The following CALD1 variants were observed in gnomAD, a reference collection of about 807,000 sequenced individuals.
CALD1 encodes the protein caldesmon 1.
A neutral mutation model predicts 99.9 loss-of-function variants in CALD1; 33 were observed. That is an observed-to-expected ratio of 0.33 (90% CI 0.25 to 0.44). CALD1 has a LOEUF of 0.44. Among genes scored for constraint, CALD1 ranks in the 20% least tolerant of loss-of-function variants. The pLI, the probability that CALD1 is intolerant of heterozygous loss-of-function variation, is 1.00. For missense variants in CALD1, 861 were observed against 962.1 expected (o/e 0.89, Z 1.39); for synonymous variants, 310 against 325.0 (o/e 0.95, Z 0.50).
chr7:134,816,386 G>T (rs1468744542), intron 1 of CALD1, among the ~76,000 whole-genome samples: 1 of 152,022 alleles, frequency 6.6e-6, no homozygotes, highest in Non-Finnish European at 1.5e-5. Context: ...CTAGATTCTT[G>T]GATTTTCCAC....
At chr7:134,846,358 G>T (rs1160310936) in intron 2 of CALD1, among the ~76,000 whole-genome samples, 7 of 152,142 alleles carry the variant, frequency 4.6e-5, no homozygotes, top group Non-Finnish European at 1.0e-4. Context: ...AATAAGCTTT[G>T]GCAGTATTTT....
intron 1 of CALD1, among the ~76,000 whole-genome samples, chr7:134,782,573 G>C (rs996433703): frequency 6.6e-6 from 1 of 152,122 alleles, no homozygotes; most frequent in African/African-American, 2.4e-5. Context: ...AAGTAACCCT[G>C]ACCTTTTTGA....
At chr7:134,892,076 C>G (rs775165758) in intron 3 of CALD1, among the ~76,000 whole-genome samples, 1 of 152,144 alleles carries the variant, frequency 6.6e-6, no homozygotes, top group Non-Finnish European at 1.5e-5. Flanking sequence ...TTGGCTAAAG[C>G]ACACATTGCC....
rs772894421 is a variant in CALD1 at position 134,933,660 on chromosome 7, A to G, written c.891A>G (p.Ala297=). 2.5e-6 allele frequency: 4 copies of G among 1,601,960 alleles called. No homozygotes were observed. The East Asian group carries it at 8.9e-5, about 36-fold the overall frequency. Residue 297 remains alanine (A), a synonymous_variant, in exon 5 of 15, where the codon GCA becomes GCG. Transcript: ENST00000361675. ...CAGATGAACGAGCAAGAATTGAAGC[A>G]GAAGAAAAAGCAGCTGCCCAAGAAA... ...KIADERARIE[A]EEKAAAQERE... is the part of the protein sequence containing the mutation.
In CALD1 at chr7:134,968,377, G is replaced by A. The variant is rs747179167; in HGVS notation, c.*32G>A. On this transcript the variant is annotated 3_prime_UTR_variant, in exon 15 of 15. Coordinates refer to ENST00000361675, the MANE Select transcript of CALD1 (RefSeq NM_033138.4). ...TCCAGAAAGAACCCAAGCTCAAGACGCAGGACGAGCTCAGTTGTAGAGGGC... is the reference window on the plus strand; with the variant it reads ...TCCAGAAAGAACCCAAGCTCAAGACACAGGACGAGCTCAGTTGTAGAGGGC... 5.0e-5 allele frequency: 81 copies of A among 1,607,494 alleles called. No individual in the cohort carries two copies. Among genetic ancestry groups the A allele is most frequent in the East Asian group, 2.7e-4 (12 of 44,860 alleles).
chr7:134,895,535 T>C (rs1019122834), intron 3 of CALD1, among the ~76,000 whole-genome samples: 2 of 152,158 alleles, frequency 1.3e-5, no homozygotes, highest in Non-Finnish European at 2.9e-5. Flanking sequence ...CATCACATAA[T>C]ATTGATGCTT....
intron 3 of CALD1, among the ~76,000 whole-genome samples, chr7:134,911,784 T>A (rs1433436366): frequency 6.6e-6 from 1 of 152,246 alleles, no homozygotes; most frequent in Non-Finnish European, 1.5e-5. Context: ...ATTAAATCCC[T>A]GCTTTATGCA....
chr7:134,755,780 C>A (rs1796722243), intron 1 of CALD1, among the ~76,000 whole-genome samples: 1 of 152,096 alleles, frequency 6.6e-6, no homozygotes. Flanking sequence ...ATTTATCATT[C>A]TTTTCCTTTG....
chr7:134,962,776 T>C (rs1175824579), intron 13 of CALD1: 3 of 451,566 alleles, frequency 6.6e-6, no homozygotes, highest in Non-Finnish European at 1.3e-5. Context: ...CTAATTTGTC[T>C]TTCTTTTTGT....
intron 1 of CALD1, among the ~76,000 whole-genome samples, chr7:134,822,773 G>T (rs1798832529): frequency 6.6e-6 from 1 of 152,116 alleles, no homozygotes; most frequent in Non-Finnish European, 1.5e-5. Context: ...AGAGAATTAA[G>T]TATGGTTTTC....
chr7:134,756,014 C>T (rs1796724417), intron 1 of CALD1, among the ~76,000 whole-genome samples: 1 of 152,002 alleles, frequency 6.6e-6, no homozygotes, highest in African/African-American at 2.4e-5. Flanking sequence ...ATCCAAAAGA[C>T]ATCCCTTAAC....
chr7:134,904,234 A>G (rs755161135), intron 3 of CALD1, among the ~76,000 whole-genome samples: 11 of 152,084 alleles, frequency 7.2e-5, no homozygotes, highest in Middle Eastern at 6.8e-3. Flanking sequence ...AAATAAGTAA[A>G]TAAATAAATA....
chr7:134,918,933 G>A (rs995585429), intron 3 of CALD1, among the ~76,000 whole-genome samples: 1 of 152,168 alleles, frequency 6.6e-6, no homozygotes, highest in Non-Finnish European at 1.5e-5. Context: ...CCAGGAGGTC[G>A]AGGCTGCAGT....
At chr7:134,824,567 C>T (rs773328996) in intron 1 of CALD1, among the ~76,000 whole-genome samples, 3 of 152,002 alleles carry the variant, frequency 2.0e-5, no homozygotes, top group Non-Finnish European at 4.4e-5. Flanking sequence ...TCAACTCTTC[C>T]ACCTCTATCT....
At chr7:134,778,188 G>T (rs1193604084), upstream of CALD1, among the ~76,000 whole-genome samples, 1 of 152,218 alleles carries the variant, frequency 6.6e-6, no homozygotes, top group African/African-American at 2.4e-5. Context: ...CCAAAAAAGA[G>T]ATGAGTGTAG....
At chr7:134,869,112 T>C (rs1251599438) in intron 3 of CALD1, among the ~76,000 whole-genome samples, 1 of 151,956 alleles carries the variant, frequency 6.6e-6, no homozygotes, top group African/African-American at 2.4e-5. Flanking sequence ...GAAGGAAAGG[T>C]AGTCATTATC....
intron 3 of CALD1, among the ~76,000 whole-genome samples, chr7:134,886,023 T>C (rs1801835926): frequency 6.6e-6 from 1 of 152,162 alleles, no homozygotes; most frequent in Admixed American, 6.5e-5. Flanking sequence ...AGATAGAAAC[T>C]TTTCAGGAAA....
the CALD1 span, among the ~76,000 whole-genome samples, chr7:134,712,926 G>T: frequency 6.6e-6 from 1 of 152,166 alleles, no homozygotes; most frequent in Non-Finnish European, 1.5e-5. Flanking sequence ...TTTATAATTT[G>T]AACTAACGCA....
At chr7:134,819,716 C>A (rs898319078) in intron 1 of CALD1, among the ~76,000 whole-genome samples, 8 of 152,038 alleles carry the variant, frequency 5.3e-5, no homozygotes, top group Non-Finnish European at 1.0e-4. Context: ...ATACGTAAAC[C>A]CTCTAGCTCC....
Sources: gnomAD v4.1 joint callset for allele counts (sites outside exome capture counted in the v4.1 genomes callset) on GRCh38, gnomAD v4.1.1 for gene constraint, MANE v1.5 for transcripts, NCBI Gene and HGNC (gene_info 2026-07-23, HGNC 2026-07-21) for gene names.